RARRES1: variants seen among roughly 807,000 people sequenced by gnomAD.
The protein encoded by RARRES1 is retinoic acid receptor responder 1, also known as retinoic acid receptor responder protein 1.
RARRES1 carries 34 observed loss-of-function variants against 30.6 expected under a neutral mutation model. The ratio of observed to expected loss-of-function variants is 1.11; its 90% CI spans 0.84 to 1.48. The LOEUF is 1.48. Ranked by LOEUF, RARRES1 falls within the 40% of genes most tolerant of loss-of-function variation. The probability of loss-of-function intolerance (pLI) is 0.00; values close to 1 mark genes in which losing one functional copy is unlikely to be tolerated. For missense variants in RARRES1, 373 were observed against 386.5 expected, an observed-to-expected ratio of 0.97 and a Z score of 0.29; for synonymous variants, 153 against 155.5, an observed-to-expected ratio of 0.98 and a Z score of 0.12.
At chr3:158,708,729 A>G (rs529326382) in intron 3 of RARRES1, among the ~76,000 whole-genome samples, 6 of 152,062 alleles carry the variant, frequency 3.9e-5, no homozygotes, top group Non-Finnish European at 7.4e-5. Context: ...CAGTGGCGCA[A>G]TCTTGGCTCA....
At chr3:158,728,633 C>T (rs1727773961) in intron 1 of RARRES1, among the ~76,000 whole-genome samples, 1 of 150,614 alleles carries the variant, frequency 6.6e-6, no homozygotes, top group Non-Finnish European at 1.5e-5. Flanking sequence ...AAGTGATTCT[C>T]ATGCCTCAGC....
intron 4 of RARRES1, among the ~76,000 whole-genome samples, chr3:158,702,204 A>T (rs2108130640): frequency 6.6e-6 from 1 of 151,908 alleles, no homozygotes; most frequent in East Asian, 1.9e-4. Context: ...TGCCTGGCTA[A>T]TTTTTTTGTA....
chr3:158,707,725 G>A (rs748881264), intron 3 of RARRES1, among the ~76,000 whole-genome samples: 42 of 152,168 alleles, frequency 2.8e-4, no homozygotes, highest in Non-Finnish European at 5.3e-4. Context: ...GAAATAAATA[G>A]CAGCATTGAA....
At chr3:158,726,894 G>T (rs545831083) in intron 1 of RARRES1, among the ~76,000 whole-genome samples, 31 of 152,338 alleles carry the variant, frequency 2.0e-4, no homozygotes, top group Middle Eastern at 3.4e-3. Context: ...GATTATGGAG[G>T]TGGGTCCTTC....
Position 158,697,374 on chromosome 3 carries a change from A to G in RARRES1, c.*304T>C, listed in dbSNP as rs75905420. The G allele has an allele frequency of 2.6e-4, 58 of 223,140 alleles. No homozygotes were observed. Among genetic ancestry groups the G allele is most frequent in the African/African-American group, 1.3e-3 (58 of 44,124 alleles). 13.8% of individuals were successfully genotyped at this position (223,140 alleles called of 1,614,324 possible). A position where few individuals can be genotyped will look rare whatever the true frequency, so the allele number is the denominator to read the frequency against. On this transcript the variant is annotated 3_prime_UTR_variant, in exon 6 of 6. Coordinates refer to ENST00000237696, the MANE Select transcript of RARRES1 (RefSeq NM_206963.2). The stretch of plus-strand genomic sequence containing the variant: ...ATCATTTTTTGCAGTTAAAAAAAAA[A>G]TGCTGATTCTGGTGCAACATACACT...
Position 158,723,477 on chromosome 3 carries a change from C to T in RARRES1, c.276+8663G>A, listed in dbSNP as rs1422542612. ...CCTGGAATCATTTTATTGCATTTTC[C>T]TTCTCTCGGGCAAGGCCAGATAAAG... is the stretch of plus-strand genomic sequence containing the variant. On this transcript the variant is annotated intron_variant, in intron 1 of 5. Coordinates refer to ENST00000237696, the MANE Select transcript of RARRES1 (RefSeq NM_206963.2). The surrounding 1 kb of genome is among the most constrained non-coding windows in gnomAD (Gnocchi z 4.4). Among the ~76,000 whole-genome samples the T allele has an allele frequency of 6.6e-6, 1 of 152,172 alleles. No individual in the cohort carries two copies. Among genetic ancestry groups the T allele is most frequent in the Non-Finnish European group, 1.5e-5 (1 of 68,036 alleles).
At chr3:158,712,497 C>T (rs932809568) in intron 2 of RARRES1, among the ~76,000 whole-genome samples, 30 of 152,186 alleles carry the variant, frequency 2.0e-4, no homozygotes, top group African/African-American at 6.8e-4. Context: ...GGCAATTTTT[C>T]CTCCTGTGAG....
intron 1 of RARRES1, among the ~76,000 whole-genome samples, chr3:158,727,035 T>C (rs918737542): frequency 1.3e-5 from 2 of 152,198 alleles, no homozygotes; most frequent in Admixed American, 6.5e-5. Context: ...TGGCTCCCTG[T>C]TGCCCTCTGC....
chr3:158,717,481 G>C (rs1371213851), intron 1 of RARRES1, among the ~76,000 whole-genome samples: 3 of 152,224 alleles, frequency 2.0e-5, no homozygotes, highest in African/African-American at 7.2e-5. Flanking sequence ...GTGTGGGGAG[G>C]AGAGCTGGCA....
Position 158,710,816 on chromosome 3 carries a change from T to A in RARRES1, c.457A>T (p.Lys153Ter). The A allele has an allele frequency of 1.2e-6, 2 of 1,613,944 alleles. No individual in the cohort carries two copies. The highest frequency in any genetic ancestry group is 1.7e-6 in the Non-Finnish European group (2 of 1,179,790). Residue 153 changes from lysine to a stop codon, truncating the protein, a stop_gained, in exon 3 of 6, where the codon AAA (lysine) becomes TAA (stop). Transcript: ENST00000237696. LOFTEE classifies it high-confidence loss of function. The stretch of plus-strand genomic sequence containing the variant: ...AGCAGGTAATCCTCTTGTTGTCTTT[T>A]CTTTTTCTCGATGAGCCGTGTACAA... ...VTCTRLIEKK[K>*]RQQEDYLLYK...
intron 1 of RARRES1, among the ~76,000 whole-genome samples, chr3:158,722,086 C>CAAAAAAAAAAAAAAAAA (rs571829700): frequency 1.3e-4 from 9 of 68,736 alleles, no homozygotes; most frequent in South Asian, 1.3e-3. Flanking sequence ...GAATGAAACT[C>CAAAAAAAAAAAAAAAAA]AAAAAAAAAA....
chr3:158,713,563 C>G (rs986390295), intron 2 of RARRES1, among the ~76,000 whole-genome samples: 2 of 152,138 alleles, frequency 1.3e-5, no homozygotes, highest in South Asian at 4.1e-4. Flanking sequence ...GGGAGGTGAT[C>G]GCTTATATGG....
At chr3:158,722,086 C>CAAAAAAA (rs571829700) in intron 1 of RARRES1, among the ~76,000 whole-genome samples, 2,545 of 68,076 alleles carry the variant, frequency 0.037, 73 homozygotes, top group Non-Finnish European at 0.046. Context: ...GAATGAAACT[C>CAAAAAAA]AAAAAAAAAA....
intron 1 of RARRES1, among the ~76,000 whole-genome samples, chr3:158,727,959 T>G (rs1727743731): frequency 6.6e-6 from 1 of 152,172 alleles, no homozygotes; most frequent in African/African-American, 2.4e-5. Context: ...AGGGCAACAG[T>G]ATTTTTAAAA....
intron 1 of RARRES1, among the ~76,000 whole-genome samples, chr3:158,715,367 G>A (rs1025993020): frequency 6.6e-6 from 1 of 152,200 alleles, no homozygotes; most frequent in African/African-American, 2.4e-5. Context: ...TCTTTGAGGA[G>A]CCAGTGTTAG....
intron 5 of RARRES1, 37 bp downstream of exon 5, chr3:158,697,871 T>G (rs201495045): frequency 6.4e-7 from 1 of 1,574,238 alleles, no homozygotes; most frequent in African/African-American, 1.4e-5. Flanking sequence ...CAAAAACTTA[T>G]GGTAAAAACA....
At chr3:158,708,090 T>G (rs1489705728) in intron 3 of RARRES1, among the ~76,000 whole-genome samples, 1 of 152,240 alleles carries the variant, frequency 6.6e-6, no homozygotes, top group Admixed American at 6.5e-5. Context: ...CGAATGAATT[T>G]TTTTTTCCTC....
chr3:158,701,879 C>A (rs1471316248), intron 4 of RARRES1, among the ~76,000 whole-genome samples: 1 of 150,700 alleles, frequency 6.6e-6, no homozygotes, highest in Admixed American at 6.6e-5. Context: ...TGTGAGTCCT[C>A]ATTTAATAGG....
intron 4 of RARRES1, among the ~76,000 whole-genome samples, chr3:158,700,101 A>G (rs1244427190): frequency 6.6e-5 from 10 of 152,106 alleles, no homozygotes; most frequent in Admixed American, 3.9e-4. Context: ...TGGGAGGCCA[A>G]AGTGGGAGGA....
Sources: allele counts gnomAD v4.1 joint callset (sites outside exome capture counted in the v4.1 genomes callset), GRCh38; gene constraint gnomAD v4.1.1; non-coding constraint Gnocchi (gnomAD v3.1); transcripts MANE v1.5; gene names NCBI Gene and HGNC (gene_info 2026-07-23, HGNC 2026-07-21).